Variants in ST18 observed in about 807,000 individuals in gnomAD.
The protein encoded by ST18 is suppression of tumorigenicity 18 protein.
Under a neutral mutation model 110.0 loss-of-function variants are expected in ST18, and 50 were observed. The ratio of observed to expected loss-of-function variants is 0.45; its 90% CI spans 0.36 to 0.58. The LOEUF is 0.58. ST18 is among the 20% of genes least tolerant of loss of function. The pLI is 0.00. For missense variants in ST18, 1,306 were observed against 1,280.1 expected, an observed-to-expected ratio of 1.02 and a Z score of -0.31; for synonymous variants, 461 against 452.4, an observed-to-expected ratio of 1.02 and a Z score of -0.24.
chr8:52,322,717 T>C lies in ST18; in HGVS notation c.-465+86611A>G, dbSNP rs1804544853. ...CAGTAGAGTAGATAAAATAAAGCAC[T>C]AATTGTTTCAACATCCAAAGAATAC... is the stretch of plus-strand genomic sequence containing the variant. On this transcript the variant is annotated intron_variant, in intron 2 of 25. Coordinates refer to ENST00000689386, the MANE Select transcript of ST18 (RefSeq NM_001352837.2). 5.3e-5 allele frequency among the ~76,000 whole-genome samples: 8 copies of C among 152,262 alleles called. No individual in the cohort carries two copies. In the South Asian group the frequency reaches 1.7e-3, roughly 32 times the overall value.
At chr8:52,153,846 GATA>G (rs2059381215) in intron 15 of ST18, among the ~76,000 whole-genome samples, 1 of 152,176 alleles carries the variant, frequency 6.6e-6, no homozygotes. Flanking sequence ...TGCAAAATGG[GATA>G]ATAATATCTG....
At chr8:52,303,784 C>A (rs1439850916) in intron 2 of ST18, among the ~76,000 whole-genome samples, 2 of 152,142 alleles carry the variant, frequency 1.3e-5, no homozygotes, top group Non-Finnish European at 2.9e-5. Context: ...AGGAATTATT[C>A]TAGATTGAAA....
intron 14 of ST18, 120 bp downstream of exon 14, chr8:52,161,255 C>T (rs573074528): frequency 9.5e-6 from 9 of 948,046 alleles, no homozygotes; most frequent in Admixed American, 2.9e-5. Flanking sequence ...TATATTTTCT[C>T]TCCTGCCAGC....
At chr8:52,177,539 TG>T (rs1200231726) in intron 9 of ST18, among the ~76,000 whole-genome samples, 1 of 151,226 alleles carries the variant, frequency 6.6e-6, no homozygotes, top group Non-Finnish European at 1.5e-5. Context: ...TCCTAGGGGG[TG>T]GGGGGTAACT....
intron 23 of ST18, among the ~76,000 whole-genome samples, chr8:52,119,049 G>A (rs1479044924): frequency 6.6e-6 from 1 of 152,110 alleles, no homozygotes; most frequent in Non-Finnish European, 1.5e-5. Context: ...TCTTCCACGT[G>A]GACATGGATG....
At chr8:52,144,373 T>G (rs1056297750) in intron 16 of ST18, among the ~76,000 whole-genome samples, 1 of 152,028 alleles carries the variant, frequency 6.6e-6, no homozygotes, top group African/African-American at 2.4e-5. Flanking sequence ...TATAGCAAAA[T>G]ATAATTTTAG....
At chr8:52,337,900 T>C (rs1323116831) in intron 2 of ST18, among the ~76,000 whole-genome samples, 3 of 152,170 alleles carry the variant, frequency 2.0e-5, no homozygotes, top group African/African-American at 4.8e-5. Flanking sequence ...GTTTCCCAAG[T>C]TTTAAGTTCA....
At chr8:52,227,127 A>G (rs1279691427) in intron 3 of ST18, among the ~76,000 whole-genome samples, 2 of 152,194 alleles carry the variant, frequency 1.3e-5, no homozygotes, top group African/African-American at 4.8e-5. Flanking sequence ...GGGGCACTGG[A>G]TTTTTGCAGA....
At chr8:52,168,279 G>A (rs147086265) in intron 10 of ST18, among the ~76,000 whole-genome samples, 213 of 149,922 alleles carry the variant, frequency 1.4e-3, no homozygotes, top group African/African-American at 5.0e-3. Flanking sequence ...GAAACAGGCA[G>A]TGTGGTCCTG....
chr8:52,317,236 A>G (rs911824830), intron 2 of ST18, among the ~76,000 whole-genome samples: 3 of 152,176 alleles, frequency 2.0e-5, no homozygotes, highest in African/African-American at 7.2e-5. Flanking sequence ...AGGGATCTTG[A>G]TGAGATTATC....
intron 5 of ST18, among the ~76,000 whole-genome samples, chr8:52,219,349 C>T (rs1206307016): frequency 1.3e-5 from 2 of 151,548 alleles, no homozygotes; most frequent in African/African-American, 4.9e-5. Context: ...ATTAATAACT[C>T]AGGAAGAATA....
In ST18 at chr8:52,240,693, T is replaced by C. The variant is rs1210667789; in HGVS notation, c.-464-10616A>G. ...TTTTTCAGGGTCAAACTTCTTAATATTCCCAGAGATTTCCTTTCTTTTCTT... is the reference window on the plus strand; with the variant it reads ...TTTTTCAGGGTCAAACTTCTTAATACTCCCAGAGATTTCCTTTCTTTTCTT... On this transcript the variant is annotated intron_variant, in intron 2 of 25. Coordinates refer to ENST00000689386, the MANE Select transcript of ST18 (RefSeq NM_001352837.2). 3.3e-5 allele frequency among the ~76,000 whole-genome samples: 5 copies of C among 152,174 alleles called. No homozygotes were observed. In the South Asian group the frequency reaches 1.0e-3, roughly 32 times the overall value.
Position 52,159,000 on chromosome 8 carries a change from T to C in ST18, c.1704A>G (p.Glu568=), listed in dbSNP as rs779729024. 4 of 1,614,098 alleles carry C rather than the reference T, an allele frequency of 2.5e-6. No homozygotes were observed. The highest frequency in any genetic ancestry group is 4.5e-5 in the East Asian group (2 of 44,878). The change falls in exon 15 of 26, where the codon GAA becomes GAG. Residue 568 remains glutamate, a synonymous_variant. Coordinates refer to ENST00000689386, the MANE Select transcript of ST18 (RefSeq NM_001352837.2). The part of the protein sequence containing the change: ...ASSYSYGQCS[E]DTHIAAAAAI... ...CAGCAGCTGCTGCTATGTGGGTGTC[T>C]TCACTACATTGACCGTAGCTATAAG...
intron 2 of ST18, among the ~76,000 whole-genome samples, chr8:52,311,886 A>G (rs986998179): frequency 2.0e-5 from 3 of 152,202 alleles, no homozygotes; most frequent in African/African-American, 7.2e-5. Context: ...CAGCCAAACC[A>G]TATCAAGGAC....
intron 2 of ST18, among the ~76,000 whole-genome samples, chr8:52,293,076 T>G (rs1197310985): frequency 6.6e-6 from 1 of 152,244 alleles, no homozygotes; most frequent in Non-Finnish European, 1.5e-5. Flanking sequence ...GTGTGGATAT[T>G]TATGTGTCCG....
At chr8:52,148,573 A>T (rs2057988030) in intron 16 of ST18, among the ~76,000 whole-genome samples, 1 of 152,016 alleles carries the variant, frequency 6.6e-6, no homozygotes, top group African/African-American at 2.4e-5. Flanking sequence ...GCATGGTGGA[A>T]GTGTGTCCTA....
chr8:52,120,445 A>T (rs1264580733), intron 23 of ST18, among the ~76,000 whole-genome samples: 1 of 152,212 alleles, frequency 6.6e-6, no homozygotes, highest in Non-Finnish European at 1.5e-5. Context: ...AGGAAGCACA[A>T]AGGGTTCTGG....
intron 2 of ST18, among the ~76,000 whole-genome samples, chr8:52,266,745 T>C (rs964722817): frequency 1.3e-5 from 2 of 152,044 alleles, no homozygotes; most frequent in South Asian, 4.2e-4. Flanking sequence ...GGTTTCACCA[T>C]GTTGGCCAGG....
chr8:52,238,903 T>C (rs956490718), intron 2 of ST18, among the ~76,000 whole-genome samples: 3 of 151,268 alleles, frequency 2.0e-5, no homozygotes, highest in Non-Finnish European at 4.4e-5. Flanking sequence ...ACTTAATGGG[T>C]ATAAGATACC....
Sources: gnomAD v4.1 joint callset for allele counts (sites outside exome capture counted in the v4.1 genomes callset) on GRCh38, gnomAD v4.1.1 for gene constraint, MANE v1.5 for transcripts, NCBI Gene and HGNC (gene_info 2026-07-23, HGNC 2026-07-21) for gene names.